RASAL2: variants seen among roughly 807,000 people sequenced by gnomAD.
RASAL2 encodes the protein ras GTPase-activating protein nGAP.
Under a neutral mutation model 128.9 loss-of-function variants are expected in RASAL2, and 58 were observed. The observed-to-expected ratio is 0.45, with a 90% CI of 0.36 to 0.56. RASAL2 has a LOEUF of 0.56. Ranked by LOEUF, RASAL2 falls within the 20% of genes least tolerant of loss-of-function variation. RASAL2 has a pLI of 0.00. For synonymous variants in RASAL2, 561 were observed against 580.8 expected (o/e 0.97, Z 0.49); for missense variants, 1,360 against 1,601.6 (o/e 0.85, Z 2.57).
chr1:178,406,181 C>A (rs1382530700), intron 4 of RASAL2, among the ~76,000 whole-genome samples: 1 of 152,072 alleles, frequency 6.6e-6, no homozygotes, highest in African/African-American at 2.4e-5. Flanking sequence ...TCTTAATATC[C>A]CAAAACTGGA....
At chr1:178,340,096 T>G (rs1669787234) in intron 3 of RASAL2, among the ~76,000 whole-genome samples, 1 of 152,196 alleles carries the variant, frequency 6.6e-6, no homozygotes, top group Admixed American at 6.5e-5. Context: ...TTAGCTATTT[T>G]TATACTAGAT....
At chr1:178,147,494 AAAG>A (rs1262794706) in intron 1 of RASAL2, among the ~76,000 whole-genome samples, 18 of 151,110 alleles carry the variant, frequency 1.2e-4, no homozygotes, top group African/African-American at 3.7e-4. Context: ...AAAAAAAAAA[AAAG>A]AAAAGTAAAG....
chr1:178,208,602 C>G (rs773071029), intron 1 of RASAL2, among the ~76,000 whole-genome samples: 1 of 152,208 alleles, frequency 6.6e-6, no homozygotes. Context: ...ATCAGTAGTT[C>G]TGCTTTTGCC....
intron 1 of RASAL2, among the ~76,000 whole-genome samples, chr1:178,215,984 T>A (rs1261293338): frequency 1.3e-5 from 2 of 152,218 alleles, no homozygotes; most frequent in Admixed American, 6.5e-5. Flanking sequence ...ACATATTTTC[T>A]GTTCTCCCAA....
chr1:178,471,251 A>ATCAT (rs1259435986), intron 17 of RASAL2, among the ~76,000 whole-genome samples: 1 of 152,072 alleles, frequency 6.6e-6, no homozygotes, highest in Non-Finnish European at 1.5e-5. Context: ...CAGTTTAGAG[A>ATCAT]TCATTCCTAA....
At chr1:178,157,353 A>G (rs946171612) in intron 1 of RASAL2, among the ~76,000 whole-genome samples, 3 of 152,140 alleles carry the variant, frequency 2.0e-5, no homozygotes, top group Non-Finnish European at 4.4e-5. Context: ...GCACAGCCAG[A>G]GCTTGGAATT....
chr1:178,331,423 A>G (rs1035513584), intron 3 of RASAL2, among the ~76,000 whole-genome samples: 5 of 152,122 alleles, frequency 3.3e-5, no homozygotes, highest in African/African-American at 9.7e-5. Context: ...TTATTTGTCA[A>G]GTTGTCTATT....
At chr1:178,114,262 C>T (rs138440605) in intron 1 of RASAL2, among the ~76,000 whole-genome samples, 215 of 152,168 alleles carry the variant, frequency 1.4e-3, no homozygotes, top group Non-Finnish European at 1.9e-3. Context: ...TCAACCTGAT[C>T]GTAGGTAAAA....
At chr1:178,452,803 AT>A (rs1219736918) in intron 11 of RASAL2, 151 bp downstream of exon 11, 8 of 649,714 alleles carry the variant, frequency 1.2e-5, no homozygotes, top group Middle Eastern at 5.4e-4. Flanking sequence ...AAACAACTTA[AT>A]CACTTCATAG....
intron 1 of RASAL2, among the ~76,000 whole-genome samples, chr1:178,181,784 T>G (rs2101930395): frequency 6.6e-6 from 1 of 152,270 alleles, no homozygotes; most frequent in Admixed American, 6.5e-5. Flanking sequence ...GCAGTTTTTT[T>G]TTTTTTAATC....
At chr1:178,327,232 A>G (rs1669081470) in intron 3 of RASAL2, among the ~76,000 whole-genome samples, 1 of 152,212 alleles carries the variant, frequency 6.6e-6, no homozygotes, top group Admixed American at 6.5e-5. Flanking sequence ...TTTAGATTAT[A>G]AGTAACATTC....
intron 3 of RASAL2, among the ~76,000 whole-genome samples, chr1:178,355,017 G>A (rs867262474): frequency 4.6e-5 from 7 of 152,168 alleles, no homozygotes; most frequent in South Asian, 2.1e-4. Flanking sequence ...CCAGCTACTT[G>A]GGAGACTGAA....
chr1:178,302,804 G>C (rs1171957226), intron 3 of RASAL2, among the ~76,000 whole-genome samples: 1 of 152,178 alleles, frequency 6.6e-6, no homozygotes, highest in Non-Finnish European at 1.5e-5. Flanking sequence ...CACTTTGGGA[G>C]GCCAAGGTGG....
chr1:178,262,670 G>A (rs1245043674), intron 1 of RASAL2, among the ~76,000 whole-genome samples: 1 of 152,110 alleles, frequency 6.6e-6, no homozygotes, highest in Non-Finnish European at 1.5e-5. Flanking sequence ...CTCCTCTCAA[G>A]TTTAGCCATC....
At chr1:178,447,636 A>G (rs185077118) in intron 9 of RASAL2, among the ~76,000 whole-genome samples, 1 of 136,730 alleles carries the variant, frequency 7.3e-6, no homozygotes, top group East Asian at 2.3e-4. Flanking sequence ...ATACCATTGC[A>G]CTCCAGCCTG....
At chr1:178,327,077 C>A (rs1669074199) in intron 3 of RASAL2, among the ~76,000 whole-genome samples, 1 of 152,162 alleles carries the variant, frequency 6.6e-6, no homozygotes, top group African/African-American at 2.4e-5. Context: ...CTCATTCTAA[C>A]TTAGCATTTC....
At chr1:178,241,997 G>A (rs556510747) in intron 1 of RASAL2, among the ~76,000 whole-genome samples, 10 of 152,126 alleles carry the variant, frequency 6.6e-5, no homozygotes, top group Non-Finnish European at 1.5e-4. Context: ...ATGGAGAACT[G>A]CTTTATTTCA....
chr1:178,396,864 T>A (rs964586224), intron 4 of RASAL2, among the ~76,000 whole-genome samples: 5 of 146,724 alleles, frequency 3.4e-5, no homozygotes, highest in African/African-American at 5.0e-5. Flanking sequence ...TTTGAATAGA[T>A]GTTTCTCCAA....
chr1:178,304,387 G>A (rs1468461054), intron 3 of RASAL2, among the ~76,000 whole-genome samples: 3 of 152,138 alleles, frequency 2.0e-5, no homozygotes, highest in Middle Eastern at 3.2e-3. Context: ...GCCAGGCATG[G>A]TGGCACACAT....
Sources: gnomAD v4.1 joint callset for allele counts (sites outside exome capture counted in the v4.1 genomes callset) on GRCh38, gnomAD v4.1.1 for gene constraint, MANE v1.5 for transcripts, NCBI Gene and HGNC (gene_info 2026-07-23, HGNC 2026-07-21) for gene names.